Variants in LHX8 observed in about 807,000 individuals in gnomAD.
LHX8 encodes the protein LIM/homeobox protein Lhx8.
In LHX8, 12 loss-of-function variants were observed where a neutral mutation model predicts 40.3. The observed-to-expected ratio is 0.30, with a 90% CI of 0.19 to 0.48. LHX8 has a LOEUF of 0.48. Among genes scored for constraint, LHX8 ranks in the 20% least tolerant of loss-of-function variants. The probability of loss-of-function intolerance (pLI) is 0.99; values close to 1 mark genes in which losing one functional copy is unlikely to be tolerated. For missense variants in LHX8, 344 were observed against 433.7 expected (o/e 0.79, Z 1.84); for synonymous variants, 179 against 162.0 (o/e 1.10, Z -0.80).
At chr1:75,165,696 A>AG (rs1450534766), downstream of LHX8, among the ~76,000 whole-genome samples, 1 of 152,190 alleles carries the variant, frequency 6.6e-6, no homozygotes, top group Non-Finnish European at 1.5e-5. Context: ...GTAAGCACTC[A>AG]GGGATTGAAT....
chr1:75,152,360 T>C (rs1648634153), intron 7 of LHX8, among the ~76,000 whole-genome samples: 2 of 152,270 alleles, frequency 1.3e-5, no homozygotes, highest in South Asian at 4.2e-4. Flanking sequence ...GTGATTTTTT[T>C]CCCCACACAC....
At chr1:75,179,863 G>A in the LHX8 span, among the ~76,000 whole-genome samples, 1 of 152,076 alleles carries the variant, frequency 6.6e-6, no homozygotes, top group Non-Finnish European at 1.5e-5. Flanking sequence ...CTTCCTTCAG[G>A]AGCTCTTGTA....
chr1:75,135,729 C>T (rs1342296680), intron 1 of LHX8, among the ~76,000 whole-genome samples: 1 of 152,180 alleles, frequency 6.6e-6, no homozygotes, highest in African/African-American at 2.4e-5. Flanking sequence ...GAGTAACGCG[C>T]GTTGTTTCTT....
chr1:75,157,100 C>G, intron 8 of LHX8, 24 bp downstream of exon 8: 1 of 1,610,966 alleles, frequency 6.2e-7, no homozygotes, highest in Non-Finnish European at 8.5e-7. Context: ...CATTTAACAG[C>G]TGTCTCCCAG....
the LHX8 span, among the ~76,000 whole-genome samples, chr1:75,188,361 T>C: frequency 0.019 from 2,830 of 152,318 alleles, 85 homozygotes; most frequent in African/African-American, 0.065. Flanking sequence ...ATTTTACTTA[T>C]GTTCAGATGA....
In LHX8 at chr1:75,136,975, A is replaced by AT. The variant is rs1269440406; in HGVS notation, c.76-125_76-124insT. ...GAGGGCGAGAATCGTGACCTCAAGA[A>AT]GCTGGGGGTGGGGTGGGGTGGCCAG... On this transcript the variant is annotated intron_variant, in intron 2 of 8. Coordinates refer to ENST00000356261, the MANE Select transcript of LHX8 (RefSeq NM_001256114.2). The AT allele has an allele frequency of 6.7e-6, 5 of 750,176 alleles. No homozygotes were observed. In the African/African-American group the frequency reaches 2.0e-4, roughly 30 times the overall value. The allele number at this position is 750,176 out of a possible 1,614,324, so 46.5% of individuals were successfully genotyped here. A position where few individuals can be genotyped will look rare whatever the true frequency, so the allele number is the denominator to read the frequency against.
intron 1 of LHX8, among the ~76,000 whole-genome samples, chr1:75,135,210 GGTTT>G (rs1648085692): frequency 6.6e-6 from 1 of 152,218 alleles, no homozygotes. Flanking sequence ...CGAGTCACGC[GGTTT>G]GTCTGAGTAG....
At chr1:75,156,634 T>C (rs1031225653) in intron 7 of LHX8, among the ~76,000 whole-genome samples, 3 of 152,198 alleles carry the variant, frequency 2.0e-5, no homozygotes, top group Admixed American at 2.0e-4. Flanking sequence ...AAGCAATTGG[T>C]CCCCTTTCCT....
rs1280817231 is a variant in LHX8, at chr1:75,143,226, C to T, written c.468C>T (p.Ser156=). Residue 156 remains serine, a synonymous_variant, in exon 5 of 9, where the codon TCC becomes TCT. Transcript: ENST00000356261. Reference sequence around the variant, plus strand: ...ACTTGGCATGCTTTGCCTGCTTTTCCTGCAAAAGGCAACTTTCCACAGGAG... The same window carrying T: ...ACTTGGCATGCTTTGCCTGCTTTTCTTGCAAAAGGCAACTTTCCACAGGAG... ...VYHLACFACF[S]CKRQLSTGEE... The T allele has an allele frequency of 3.7e-6, 6 of 1,613,690 alleles. No individual in the cohort carries two copies. The highest frequency in any genetic ancestry group is 1.3e-5 in the African/African-American group (1 of 74,886).
upstream of LHX8, among the ~76,000 whole-genome samples, chr1:75,129,537 G>A (rs1032521709): frequency 6.6e-6 from 1 of 152,170 alleles, no homozygotes; most frequent in Non-Finnish European, 1.5e-5. Flanking sequence ...GTCGGCGCAG[G>A]CTTGTGTGGG....
At chr1:75,169,987 A>G in the LHX8 span, among the ~76,000 whole-genome samples, 1 of 152,206 alleles carries the variant, frequency 6.6e-6, no homozygotes, top group Non-Finnish European at 1.5e-5. Context: ...CAGCTATGCC[A>G]GCTCTGCCAG....
intron 4 of LHX8, among the ~76,000 whole-genome samples, chr1:75,141,308 A>G (rs1347969573): frequency 6.6e-6 from 1 of 152,208 alleles, no homozygotes; most frequent in Non-Finnish European, 1.5e-5. Context: ...AATTCAGTAG[A>G]CAAAAGTTAA....
At chr1:75,148,878 A>G (rs373540053) in intron 7 of LHX8, among the ~76,000 whole-genome samples, 196 bp downstream of exon 7, 10 of 152,152 alleles carry the variant, frequency 6.6e-5, no homozygotes, top group African/African-American at 2.4e-4. Flanking sequence ...AAGAGAAACA[A>G]AAAGTTCTAA....
intron 2 of LHX8, 38 bp downstream of exon 2, chr1:75,136,727 C>A: frequency 1.4e-6 from 2 of 1,454,690 alleles, no homozygotes; most frequent in Non-Finnish European, 1.8e-6. Flanking sequence ...CAAGACTGGC[C>A]GTGGGGAGGC....
intron 7 of LHX8, 108 bp downstream of exon 7, chr1:75,148,790 A>T: frequency 1.3e-5 from 10 of 756,622 alleles, no homozygotes; most frequent in Admixed American, 9.4e-5. Context: ...TGATTCTCCC[A>T]CCTCAGCCTC....
chr1:75,185,152 T>G, the LHX8 span, among the ~76,000 whole-genome samples: 4 of 151,442 alleles, frequency 2.6e-5, no homozygotes, highest in East Asian at 5.8e-4. Context: ...ACCAGACAGA[T>G]TCAAAGCCAA....
At chr1:75,170,901 C>CTA in the LHX8 span, among the ~76,000 whole-genome samples, 1 of 152,200 alleles carries the variant, frequency 6.6e-6, no homozygotes, top group Non-Finnish European at 1.5e-5. Context: ...TTAAAGTACA[C>CTA]TATATTTACT....
chr1:75,194,229 T>A, the LHX8 span, among the ~76,000 whole-genome samples: 1 of 147,816 alleles, frequency 6.8e-6, no homozygotes, highest in South Asian at 2.1e-4. Context: ...TTTACTAAGT[T>A]CCACCTGTGT....
At chr1:75,162,357 C>T (rs543899153), downstream of LHX8, among the ~76,000 whole-genome samples, 1 of 151,984 alleles carries the variant, frequency 6.6e-6, no homozygotes, top group African/African-American at 2.4e-5. Context: ...TTTTTGTCTA[C>T]CTGTCCCAGG....
Sources: allele counts gnomAD v4.1 joint callset (sites outside exome capture counted in the v4.1 genomes callset), GRCh38; gene constraint gnomAD v4.1.1; transcripts MANE v1.5; gene names NCBI Gene and HGNC (gene_info 2026-07-23, HGNC 2026-07-21).